CRACR2A: variants seen among roughly 807,000 people sequenced by gnomAD.
CRACR2A encodes EF-hand calcium-binding domain-containing protein 4B.
Under a neutral mutation model 90.5 loss-of-function variants are expected in CRACR2A, and 79 were observed. That is an observed-to-expected ratio of 0.87 (90% confidence interval 0.73 to 1.05). The LOEUF (loss-of-function observed/expected upper bound fraction) is 1.05, where lower values mean the gene tolerates loss of function less well. CRACR2A is among the 50% of genes least tolerant of loss of function. The probability of loss-of-function intolerance (pLI) is 0.00; values close to 1 mark genes in which losing one functional copy is unlikely to be tolerated. For missense variants in CRACR2A, 823 were observed against 897.2 expected (o/e 0.92, Z 1.06); for synonymous variants, 338 against 356.7 (o/e 0.95, Z 0.59).
At chr12:3,654,520 T>G in intron 9 of CRACR2A, 121 bp from the exon 10 acceptor site, 1 of 928,880 alleles carries the variant, frequency 1.1e-6, no homozygotes, top group Non-Finnish European at 1.6e-6. Context: ...CACCCCTCAC[T>G]GGCCTCAAGC....
intron 4 of CRACR2A, among the ~76,000 whole-genome samples, chr12:3,693,399 G>A (rs1009673831): frequency 6.6e-6 from 1 of 152,212 alleles, no homozygotes; most frequent in Admixed American, 6.5e-5. Flanking sequence ...CCTGTCTGAT[G>A]GACAAGACCG....
intron 11 of CRACR2A, chr12:3,648,301 G>A (rs752338437): frequency 1.1e-4 from 160 of 1,430,114 alleles, no homozygotes; most frequent in Non-Finnish European, 1.4e-4. Context: ...TCAGAGGAGT[G>A]GGGCAGAGCC....
intron 1 of CRACR2A, among the ~76,000 whole-genome samples, chr12:3,736,818 C>T (rs1243956860): frequency 3.3e-5 from 5 of 152,182 alleles, no homozygotes; most frequent in African/African-American, 4.8e-5. Context: ...GTTGTAGACA[C>T]GTCAGACATT....
chr12:3,663,352 G>C (rs763164986), intron 7 of CRACR2A, among the ~76,000 whole-genome samples: 1 of 152,006 alleles, frequency 6.6e-6, no homozygotes, highest in East Asian at 1.9e-4. Context: ...ACAATACCAC[G>C]TCAAGGACTT....
intron 1 of CRACR2A, among the ~76,000 whole-genome samples, chr12:3,747,321 C>T (rs1315862978): frequency 6.6e-5 from 10 of 152,192 alleles, no homozygotes; most frequent in African/African-American, 2.4e-4. Flanking sequence ...TTCATTTATG[C>T]CAAACTCTCA....
intron 1 of CRACR2A, among the ~76,000 whole-genome samples, chr12:3,742,197 C>A (rs1391719623): frequency 1.3e-5 from 2 of 152,208 alleles, no homozygotes; most frequent in African/African-American, 4.8e-5. Flanking sequence ...TGAAAGAATT[C>A]AATAGTGGGC....
intron 15 of CRACR2A, among the ~76,000 whole-genome samples, chr12:3,630,780 G>T (rs1944363624): frequency 6.6e-6 from 1 of 152,232 alleles, no homozygotes; most frequent in South Asian, 2.1e-4. Context: ...GAAGGAGCAG[G>T]CTGGGCCCTA....
chr12:3,744,747 G>A (rs1271854333), intron 1 of CRACR2A, among the ~76,000 whole-genome samples: 2 of 152,074 alleles, frequency 1.3e-5, no homozygotes, highest in Admixed American at 6.5e-5. Flanking sequence ...TACCCAAGTC[G>A]ACAGGACATC....
At chr12:3,670,351 T>C (rs1188597919) in intron 7 of CRACR2A, among the ~76,000 whole-genome samples, 1 of 152,176 alleles carries the variant, frequency 6.6e-6, no homozygotes, top group African/African-American at 2.4e-5. Context: ...CTTCTTGGGA[T>C]TCCTCTAGGC....
rs1944494484 is a variant in CRACR2A at position 3,638,234 on chromosome 12, C to T, written c.1492G>A (p.Glu498Lys). 1 of 1,551,722 alleles carries T rather than the reference C, an allele frequency of 6.4e-7. No homozygotes were observed. The highest frequency in any genetic ancestry group is 8.7e-7 in the Non-Finnish European group (1 of 1,146,990). The change falls in exon 14 of 20, where the codon GAA becomes AAA. Residue 498 changes from glutamate to lysine, a missense_variant. Glu to Lys is a moderately conservative substitution (Grantham distance 56). Transcript: ENST00000440314. ...TGTACCCCCTGGTCAGAGACCTCTT[C>T]CTCTTCTGAGCATTTGCTCAGGGGT... ...EQPLSKCSEE[E>K]EVSDQGVQGQ...
intron 6 of CRACR2A, among the ~76,000 whole-genome samples, chr12:3,677,631 C>T (rs1432857762): frequency 6.6e-6 from 1 of 152,234 alleles, no homozygotes; most frequent in Admixed American, 6.5e-5. Context: ...CAGGAATGGT[C>T]TCTGTGCTCT....
At chr12:3,653,201 T>C (rs546408781) in intron 10 of CRACR2A, among the ~76,000 whole-genome samples, 1 of 151,814 alleles carries the variant, frequency 6.6e-6, no homozygotes, top group South Asian at 2.1e-4. Flanking sequence ...CAGGCTGGTC[T>C]TGAACTCCTG....
intron 3 of CRACR2A, among the ~76,000 whole-genome samples, chr12:3,709,978 G>C (rs1945984292): frequency 6.6e-6 from 1 of 152,122 alleles, no homozygotes; most frequent in Non-Finnish European, 1.5e-5. Context: ...TGAACCAGAG[G>C]CATTTTGTAT....
chr12:3,664,793 G>C (rs548424791), intron 7 of CRACR2A, among the ~76,000 whole-genome samples: 1 of 152,000 alleles, frequency 6.6e-6, no homozygotes. Context: ...GATCACCTGA[G>C]GTCAGGAGTT....
chr12:3,705,205 C>T (rs1161718434), intron 3 of CRACR2A, among the ~76,000 whole-genome samples: 1 of 152,220 alleles, frequency 6.6e-6, no homozygotes, highest in Non-Finnish European at 1.5e-5. Context: ...ATCTGCCTGA[C>T]TCTGTGAGAG....
chr12:3,641,612 G>A, intron 13 of CRACR2A, 120 bp downstream of exon 13: 1 of 768,016 alleles, frequency 1.3e-6, no homozygotes, highest in Admixed American at 2.4e-5. Flanking sequence ...AGGGGAGTGA[G>A]TGCAGCTGAC....
At chr12:3,694,132 A>G (rs980177236) in intron 4 of CRACR2A, among the ~76,000 whole-genome samples, 1 of 151,986 alleles carries the variant, frequency 6.6e-6, no homozygotes, top group South Asian at 2.1e-4. Context: ...CTTCCCTCCA[A>G]CCACTCTCAG....
At position 3,752,811 on chromosome 12, in the gene CRACR2A, G is replaced by A. The variant is rs191369318; in HGVS notation, c.-387+204C>T. ...CCTCCAGTCCCGTTACCGAGTGACA[G>A]GGAGGGGAGCAAGGGCCAGGCCAGG... On this transcript the variant is annotated intron_variant, in intron 1 of 19. Coordinates refer to ENST00000440314, the MANE Select transcript of CRACR2A (RefSeq NM_001144958.2). 5.2e-3 allele frequency among the ~76,000 whole-genome samples: 796 copies of A among 152,258 alleles called. 2 individuals carry two copies. The highest frequency in any genetic ancestry group is 8.4e-3 in the Non-Finnish European group (572 of 68,000).
intron 11 of CRACR2A, chr12:3,648,234 A>G: frequency 1.9e-5 from 24 of 1,253,664 alleles, no homozygotes; most frequent in Non-Finnish European, 2.4e-5. Context: ...TTAAATGCTC[A>G]TTAAACCCAG....
Sources: allele counts gnomAD v4.1 joint callset (sites outside exome capture counted in the v4.1 genomes callset), GRCh38; gene constraint gnomAD v4.1.1; transcripts MANE v1.5; gene names NCBI Gene and HGNC (gene_info 2026-07-23, HGNC 2026-07-21).